Variants in NREP observed in about 807,000 individuals in gnomAD.
NREP encodes neuronal regeneration related protein, also known as neuronal regeneration-related protein.
In NREP, 5 loss-of-function variants were observed where a neutral mutation model predicts 8.6. The observed-to-expected ratio is 0.58, with a 90% CI of 0.30 to 1.22. The LOEUF (loss-of-function observed/expected upper bound fraction) is 1.22. Ranked by LOEUF, NREP falls within the 50% of genes most tolerant of loss-of-function variation. NREP has a pLI of 0.07. For missense variants in NREP, 86 were observed against 82.5 expected, an observed-to-expected ratio of 1.04 and a Z score of -0.17; for synonymous variants, 27 against 28.0, an observed-to-expected ratio of 0.96 and a Z score of 0.11.
At chr5:111,845,727 C>G (rs1251406032) in intron 2 of NREP, among the ~76,000 whole-genome samples, 3 of 151,900 alleles carry the variant, frequency 2.0e-5, no homozygotes, top group Non-Finnish European at 4.4e-5. Flanking sequence ...ACTACACACT[C>G]AAATTTTTAA....
intron 2 of NREP, among the ~76,000 whole-genome samples, chr5:111,815,494 T>C (rs1324960417): frequency 6.6e-6 from 1 of 152,160 alleles, no homozygotes; most frequent in Non-Finnish European, 1.5e-5. Flanking sequence ...AAGAAAGTTT[T>C]TTTTTTTAGT....
intron 3 of NREP, chr5:111,731,950 C>CAGAT (rs1344539872): frequency 1.3e-5 from 2 of 152,278 alleles, no homozygotes; most frequent in East Asian, 1.9e-4. Context: ...TCATTTACAA[C>CAGAT]AGATAGATTT....
At chr5:111,869,259 G>A (rs1353124013) in intron 2 of NREP, among the ~76,000 whole-genome samples, 1 of 152,092 alleles carries the variant, frequency 6.6e-6, no homozygotes, top group African/African-American at 2.4e-5. Context: ...GAAGCCTAGA[G>A]GCTCATTAAA....
intron 2 of NREP, among the ~76,000 whole-genome samples, chr5:111,956,865 G>A (rs150549399): frequency 0.032 from 4,918 of 152,136 alleles, 114 homozygotes; most frequent in Non-Finnish European, 0.046. Flanking sequence ...TTGGGAGGCT[G>A]AGGCATGAGA....
chr5:111,898,951 C>T (rs72782134), intron 2 of NREP, among the ~76,000 whole-genome samples: 6 of 149,896 alleles, frequency 4.0e-5, no homozygotes, highest in African/African-American at 1.5e-4. Flanking sequence ...CAAAGTGCTG[C>T]AAGAAAAAAA....
chr5:111,935,883 G>A (rs1233562347), intron 2 of NREP, among the ~76,000 whole-genome samples: 5 of 152,004 alleles, frequency 3.3e-5, no homozygotes, highest in African/African-American at 9.7e-5. Context: ...TTAAACAATA[G>A]AAATTTATTC....
chr5:111,906,586 A>G lies in NREP; in HGVS notation c.135+68688T>C, dbSNP rs115190914. On this transcript the variant is annotated intron_variant, in intron 2 of 3. Coordinates refer to the NREP transcript ENST00000395634. ...TTAGATAATAAAGCATTTTAGTGAT[A>G]TCACAAATGATATGATCCCCTTTGG... Among the ~76,000 whole-genome samples, 615 of 152,236 alleles carry G rather than the reference A, an allele frequency of 4.0e-3. 3 individuals are homozygous for G. The highest frequency in any genetic ancestry group is 0.014 in the African/African-American group (565 of 41,564).
intron 2 of NREP, among the ~76,000 whole-genome samples, chr5:111,893,836 G>A (rs1364734785): frequency 1.3e-5 from 2 of 151,644 alleles, no homozygotes; most frequent in Admixed American, 6.6e-5. Flanking sequence ...TATAGGAATG[G>A]GAACAGAATT....
At position 111,938,144 on chromosome 5, in the gene NREP, A is replaced by T. The variant is rs528445566; in HGVS notation, c.135+37130T>A. On this transcript the variant is annotated intron_variant, in intron 2 of 3. Coordinates refer to the NREP transcript ENST00000395634. ...CTTTGGTCTATGAGTTCTCATAGTA[A>T]CACACTCTTCCTGGCCATGCTCACC... Among the ~76,000 whole-genome samples the T allele has an allele frequency of 3.3e-5, 5 of 152,054 alleles. No individual in the cohort carries two copies. The South Asian group carries it at 1.0e-3, about 32-fold the overall frequency.
intron 2 of NREP, among the ~76,000 whole-genome samples, chr5:111,962,149 T>G (rs1756498223): frequency 1.3e-5 from 2 of 152,286 alleles, no homozygotes; most frequent in South Asian, 4.1e-4. Flanking sequence ...CCATGGCTCT[T>G]TTATCCTAGC....
chr5:111,780,166 G>C (rs1368505845), intron 2 of NREP, among the ~76,000 whole-genome samples: 5 of 152,190 alleles, frequency 3.3e-5, no homozygotes, highest in African/African-American at 9.6e-5. Flanking sequence ...TCTCTTCACT[G>C]TTCCTTTCTC....
intron 2 of NREP, among the ~76,000 whole-genome samples, chr5:111,775,149 G>A (rs566079437): frequency 1.1e-4 from 16 of 152,258 alleles, no homozygotes; most frequent in Admixed American, 7.8e-4. Context: ...CCTTAGCCCC[G>A]AAAGTAGCTG....
intron 2 of NREP, among the ~76,000 whole-genome samples, chr5:111,946,469 T>C (rs890821830): frequency 6.6e-6 from 1 of 152,052 alleles, no homozygotes; most frequent in African/African-American, 2.4e-5. Flanking sequence ...TACAAAGTTT[T>C]TCATTTTATA....
intron 2 of NREP, among the ~76,000 whole-genome samples, chr5:111,890,302 C>T (rs574434177): frequency 2.6e-5 from 4 of 152,360 alleles, no homozygotes; most frequent in African/African-American, 7.2e-5. Flanking sequence ...CCTTGGGCAG[C>T]TCTGCCCCTA....
intron 2 of NREP, among the ~76,000 whole-genome samples, chr5:111,969,118 A>G (rs1756729114): frequency 6.6e-6 from 1 of 152,240 alleles, no homozygotes; most frequent in Admixed American, 6.5e-5. Context: ...ATGATCAAAT[A>G]CTGATTAATG....
chr5:111,820,355 G>T (rs1752488751), intron 2 of NREP, among the ~76,000 whole-genome samples: 1 of 152,210 alleles, frequency 6.6e-6, no homozygotes, highest in Non-Finnish European at 1.5e-5. Flanking sequence ...GCAAATGACT[G>T]CAAAAGCTTC....
At chr5:111,772,486 C>T (rs1274596663) in intron 2 of NREP, among the ~76,000 whole-genome samples, 2 of 151,778 alleles carry the variant, frequency 1.3e-5, no homozygotes, top group African/African-American at 2.4e-5. Context: ...TTCCAGTTTC[C>T]GAAAGTCTGG....
At chr5:111,830,825 T>C (rs910369416) in intron 2 of NREP, among the ~76,000 whole-genome samples, 5 of 152,242 alleles carry the variant, frequency 3.3e-5, no homozygotes, top group African/African-American at 1.2e-4. Context: ...ATAAGAGTTA[T>C]ACAGAACCCA....
At chr5:111,884,502 C>T (rs899049747) in intron 2 of NREP, among the ~76,000 whole-genome samples, 13 of 152,100 alleles carry the variant, frequency 8.5e-5, no homozygotes, top group African/African-American at 3.1e-4. Context: ...GATACCAAAG[C>T]CAGGCAGAGA....
Sources: allele counts gnomAD v4.1 joint callset (sites outside exome capture counted in the v4.1 genomes callset), GRCh38; gene constraint gnomAD v4.1.1; transcripts MANE v1.5; gene names NCBI Gene and HGNC (gene_info 2026-07-23, HGNC 2026-07-21).